Variants in AHRR observed in about 807,000 individuals in gnomAD.
AHRR encodes ahR repressor.
Under a neutral mutation model 44.0 loss-of-function variants are expected in AHRR, and 28 were observed. That is an observed-to-expected ratio of 0.64 (90% CI 0.47 to 0.87). The LOEUF is 0.87. Among genes scored for constraint, AHRR ranks in the 40% least tolerant of loss-of-function variants. The pLI, the probability that AHRR is intolerant of heterozygous loss-of-function variation, is 0.00. For missense variants in AHRR, 990 were observed against 953.9 expected, an observed-to-expected ratio of 1.04 and a Z score of -0.50; for synonymous variants, 434 against 407.0, an observed-to-expected ratio of 1.07 and a Z score of -0.80.
In AHRR at chr5:433,790, C is replaced by CCCAGGGCAG. The variant is rs1467877541; in HGVS notation, c.1113-58_1113-50dup. ...TCGTAGCCTCCCTTAGAGACCCCCA[C>CCCAGGGCAG]CCAGGGCAGCCAGACCTGGTGTCTT... On this transcript the variant is annotated intron_variant, in intron 10 of 10. Transcript: ENST00000684583. 5 of 1,429,430 alleles carry CCCAGGGCAG rather than the reference C, an allele frequency of 3.5e-6. No homozygotes were observed. The Admixed American group carries it at 1.5e-4, about 42-fold the overall frequency. 88.5% of individuals were successfully genotyped at this position (1,429,430 alleles called of 1,614,324 possible). A position where few individuals can be genotyped will look rare whatever the true frequency, so the allele number is the denominator to read the frequency against.
At chr5:433,746 AT>A in intron 10 of AHRR, 106 bp from the exon 11 acceptor site, 1 of 1,282,738 alleles carries the variant, frequency 7.8e-7, no homozygotes, top group South Asian at 2.0e-5. Context: ...GCCTTGGCAG[AT>A]TTAGCATCGT....
At chr5:407,931 G>A (rs1303901759) in intron 4 of AHRR, among the ~76,000 whole-genome samples, 1 of 152,142 alleles carries the variant, frequency 6.6e-6, no homozygotes, top group Non-Finnish European at 1.5e-5. Context: ...CCCAATTGTT[G>A]TACATCCTGT....
chr5:326,796 C>T lies in AHRR; in HGVS notation c.-11+4977C>T, dbSNP rs1460755135. On this transcript the variant is annotated intron_variant, in intron 1 of 10. Coordinates refer to ENST00000684583, the MANE Select transcript of AHRR (RefSeq NM_001377236.1). The surrounding 1 kb of genome is among the most constrained non-coding windows in gnomAD (Gnocchi z 4.1). Reference sequence around the variant, plus strand: ...GATAGCTGGCCCGGCGCATGGTTCACGCCTGTAATCCCTGCACTTTGGGAG... The same window carrying T: ...GATAGCTGGCCCGGCGCATGGTTCATGCCTGTAATCCCTGCACTTTGGGAG... Among the ~76,000 whole-genome samples the T allele has an allele frequency of 2.0e-5, 3 of 152,156 alleles. No individual in the cohort carries two copies. Among genetic ancestry groups the T allele is most frequent in the East Asian group, 1.9e-4 (1 of 5,196 alleles).
intron 3 of AHRR, 51 bp from the exon 4 acceptor site, chr5:376,559 T>TGAATGAATGAGAACCGGGGGGTGAACGC: frequency 4.1e-6 from 1 of 241,098 alleles, no homozygotes; most frequent in Non-Finnish European, 7.4e-6. Context: ...TGAAGAAGAG[T>TGAATGAATGAGAACCGGGGGGTGAACGC]GGCCAGGCCA....
intron 8 of AHRR, among the ~76,000 whole-genome samples, chr5:430,608 T>C (rs1462805781): frequency 2.0e-5 from 3 of 152,254 alleles, no homozygotes; most frequent in Non-Finnish European, 4.4e-5. Context: ...CATCCTCACC[T>C]TTGACCTCTT....
intron 1 of AHRR, among the ~76,000 whole-genome samples, chr5:327,942 A>C (rs1415932592): frequency 6.6e-6 from 1 of 151,706 alleles, no homozygotes; most frequent in Non-Finnish European, 1.5e-5. Context: ...CGCTCCCCCT[A>C]CCCTACAACA....
Position 434,435 on chromosome 5 carries a change from C to T in AHRR, c.1695C>T (p.Thr565=). ...CCAGTGACAGGAGCCACCCAGCCAC[C>T]TTCCCTACCAGGATGCACCTGAAAA... The part of the protein sequence containing the change: ...LGASDRSHPA[T]FPTRMHLKTE... The change falls in exon 11 of 11, where the codon ACC becomes ACT. Residue 565 remains threonine (T), a synonymous_variant. Transcript: ENST00000684583. 6.2e-7 allele frequency: 1 copy of T among 1,613,450 alleles called. No homozygotes were observed. The highest frequency in any genetic ancestry group is 8.5e-7 in the Non-Finnish European group (1 of 1,179,998).
At chr5:372,517 G>C (rs1314693903) in intron 3 of AHRR, among the ~76,000 whole-genome samples, 1 of 152,158 alleles carries the variant, frequency 6.6e-6, no homozygotes, top group Non-Finnish European at 1.5e-5. Flanking sequence ...CCTGGGCCCA[G>C]CTCCCTGTCC....
At chr5:376,557 A>AACGCGTGGAAACACAGGAAAGAT in intron 3 of AHRR, 53 bp from the exon 4 acceptor site, 1 of 1,423,182 alleles carries the variant, frequency 7.0e-7, no homozygotes, top group Non-Finnish European at 9.5e-7. Context: ...AATGAAGAAG[A>AACGCGTGGAAACACAGGAAAGAT]GTGGCCAGGC....
At chr5:368,635 T>C (rs1304288943) in intron 3 of AHRR, among the ~76,000 whole-genome samples, 1 of 152,248 alleles carries the variant, frequency 6.6e-6, no homozygotes, top group Non-Finnish European at 1.5e-5. Flanking sequence ...TGGTTGCATC[T>C]TCCACGATAA....
chr5:327,663 A>G (rs949801876), intron 1 of AHRR, among the ~76,000 whole-genome samples: 22 of 152,208 alleles, frequency 1.4e-4, no homozygotes, highest in African/African-American at 5.1e-4. Flanking sequence ...TGCGATTGTG[A>G]ATAGTGCTGC....
chr5:327,287 C>T (rs995668681), intron 1 of AHRR, among the ~76,000 whole-genome samples: 1 of 152,120 alleles, frequency 6.6e-6, no homozygotes, highest in Non-Finnish European at 1.5e-5. Flanking sequence ...GCATAGATTG[C>T]ATAGTGATCA....
intron 2 of AHRR, among the ~76,000 whole-genome samples, chr5:346,040 A>T (rs1742661073): frequency 6.6e-6 from 1 of 152,194 alleles, no homozygotes; most frequent in South Asian, 2.1e-4. Flanking sequence ...CCCAGCGGTG[A>T]GCACATGCGC....
intron 1 of AHRR, among the ~76,000 whole-genome samples, chr5:340,296 G>T (rs1579595402): frequency 1.3e-5 from 2 of 152,042 alleles, no homozygotes; most frequent in African/African-American, 2.4e-5. Context: ...GATAGTATTT[G>T]TCTTACTCTG....
rs1489952182 is a variant in AHRR at position 387,686 on chromosome 5, G to C, written c.351+10970G>C. ...GCAGTGGTAATACCGGTAACACATAGTGGTGATGGTGGTGGACGCTCGTGT... is the reference window on the plus strand; with the variant it reads ...GCAGTGGTAATACCGGTAACACATACTGGTGATGGTGGTGGACGCTCGTGT... On this transcript the variant is annotated intron_variant, in intron 4 of 10. Transcript: ENST00000684583. The surrounding 1 kb of genome is among the most constrained non-coding windows in gnomAD (Gnocchi z 5.1). 6.6e-6 allele frequency among the ~76,000 whole-genome samples: 1 copy of C among 152,230 alleles called. No individual in the cohort carries two copies. Among genetic ancestry groups the C allele is most frequent in the Non-Finnish European group, 1.5e-5 (1 of 68,030 alleles).
intron 5 of AHRR, among the ~76,000 whole-genome samples, chr5:416,829 TAAAC>T (rs1409376264): frequency 1.3e-5 from 2 of 152,238 alleles, no homozygotes; most frequent in Admixed American, 6.5e-5. Flanking sequence ...TTTGTCAACT[TAAAC>T]AGAGCAGCTT....
At chr5:355,796 G>A (rs947490849) in intron 3 of AHRR, among the ~76,000 whole-genome samples, 10 of 152,240 alleles carry the variant, frequency 6.6e-5, no homozygotes, top group East Asian at 1.9e-4. Context: ...CACCTCTGCC[G>A]CAGCTGCAGT....
chr5:324,524 A>G (rs1296197819), intron 1 of AHRR, among the ~76,000 whole-genome samples: 1 of 150,514 alleles, frequency 6.6e-6, no homozygotes, highest in Non-Finnish European at 1.5e-5. Context: ...GGTGGCTCAC[A>G]CCTATAATCC....
intron 5 of AHRR, chr5:421,164 GCT>G: frequency 1.7e-6 from 1 of 583,012 alleles, no homozygotes; most frequent in Non-Finnish European, 3.0e-6. Flanking sequence ...CTGGGAGGCC[GCT>G]CTGGCGCCCG....
Sources: gnomAD v4.1 joint callset for allele counts (sites outside exome capture counted in the v4.1 genomes callset) on GRCh38, gnomAD v4.1.1 for gene constraint, Gnocchi (gnomAD v3.1) non-coding constraint, MANE v1.5 for transcripts, NCBI Gene and HGNC (gene_info 2026-07-23, HGNC 2026-07-21) for gene names.